Variants in RANBP2 observed in about 807,000 individuals in gnomAD.
The protein encoded by RANBP2 is E3 SUMO-protein ligase RanBP2.
In RANBP2, 57 loss-of-function variants were observed where a neutral mutation model predicts 303.6. That is an observed-to-expected ratio of 0.19 (90% confidence interval 0.15 to 0.23). RANBP2 has a LOEUF of 0.23. RANBP2 is among the 10% of genes least tolerant of loss of function. RANBP2 has a pLI of 1.00. For synonymous variants in RANBP2, 1,167 were observed against 1,301.5 expected, an observed-to-expected ratio of 0.90 and a Z score of 2.23; for missense variants, 3,138 against 3,780.8, an observed-to-expected ratio of 0.83 and a Z score of 4.46.
At chr2:109,374,873 A>G in the RANBP2 span, among the ~76,000 whole-genome samples, 1 of 152,122 alleles carries the variant, frequency 6.6e-6, no homozygotes, top group Non-Finnish European at 1.5e-5. Flanking sequence ...TCAGGCCATG[A>G]TGCTAAGCCC....
At chr2:109,067,164 C>G in the RANBP2 span, among the ~76,000 whole-genome samples, 1 of 151,918 alleles carries the variant, frequency 6.6e-6, no homozygotes, top group Non-Finnish European at 1.5e-5. Context: ...GCTTGTTCAG[C>G]GAAGGACGCA....
At chr2:108,937,717 ATG>A in the RANBP2 span, among the ~76,000 whole-genome samples, 5 of 151,130 alleles carry the variant, frequency 3.3e-5, no homozygotes, top group African/African-American at 7.3e-5. Flanking sequence ...ATGTGTGTGT[ATG>A]TGTGTGTGTA....
At chr2:109,136,369 T>C in the RANBP2 span, among the ~76,000 whole-genome samples, 1 of 152,142 alleles carries the variant, frequency 6.6e-6, no homozygotes, top group African/African-American at 2.4e-5. Flanking sequence ...GCATGCTTGA[T>C]GGGTATCCTA....
downstream of RANBP2, chr2:108,787,052 G>T (rs971874918): frequency 8.6e-6 from 4 of 463,664 alleles, no homozygotes; most frequent in African/African-American, 8.3e-5. Context: ...CTGCGGCTTG[G>T]GCCTCGTGGA....
the RANBP2 span, among the ~76,000 whole-genome samples, chr2:109,179,243 C>T: frequency 1.3e-5 from 2 of 152,058 alleles, no homozygotes; most frequent in African/African-American, 4.8e-5. Flanking sequence ...ACATGTGATC[C>T]TTTTTATCCT....
At chr2:109,678,023 C>T in the RANBP2 span, among the ~76,000 whole-genome samples, 8 of 152,142 alleles carry the variant, frequency 5.3e-5, no homozygotes, top group Non-Finnish European at 7.3e-5. Context: ...TGGTGGCTCC[C>T]GCAGCAGGGG....
the RANBP2 span, among the ~76,000 whole-genome samples, chr2:109,124,998 G>T: frequency 2.0e-5 from 3 of 152,206 alleles, no homozygotes; most frequent in Non-Finnish European, 2.9e-5. Context: ...TTGATTTAAC[G>T]AAAAAGAAAC....
chr2:109,219,605 G>A, the RANBP2 span, among the ~76,000 whole-genome samples: 2 of 152,260 alleles, frequency 1.3e-5, no homozygotes, highest in Admixed American at 1.3e-4. Flanking sequence ...CGGCAAAGTT[G>A]CAAAATATAA....
At chr2:108,840,607 G>A in the RANBP2 span, among the ~76,000 whole-genome samples, 62 of 152,244 alleles carry the variant, frequency 4.1e-4, 1 homozygote, top group South Asian at 0.013. Flanking sequence ...ATTTATGTGT[G>A]TAGAGTTTTT....
At chr2:109,538,213 C>G in the RANBP2 span, among the ~76,000 whole-genome samples, 1 of 152,188 alleles carries the variant, frequency 6.6e-6, no homozygotes, top group Non-Finnish European at 1.5e-5. Flanking sequence ...TCTGACCTGG[C>G]TTCAGCTGTC....
the RANBP2 span, among the ~76,000 whole-genome samples, chr2:109,275,432 C>G: frequency 2.0e-5 from 3 of 152,168 alleles, no homozygotes; most frequent in Non-Finnish European, 4.4e-5. Context: ...TTCAGTTGGA[C>G]CGACACCGGA....
the RANBP2 span, among the ~76,000 whole-genome samples, chr2:109,527,978 C>G: frequency 1.3e-5 from 2 of 152,300 alleles, no homozygotes; most frequent in Non-Finnish European, 2.9e-5. Context: ...ACCCCTGCAG[C>G]CAGGCGGGAG....
the RANBP2 span, among the ~76,000 whole-genome samples, chr2:109,036,985 C>T: frequency 4.0e-5 from 6 of 151,826 alleles, no homozygotes; most frequent in Non-Finnish European, 8.8e-5. Context: ...CTCTAACAAA[C>T]AATACAAAAA....
At chr2:109,545,340 AT>A in the RANBP2 span, 1 of 1,496,708 alleles carries the variant, frequency 6.7e-7, no homozygotes, top group East Asian at 2.5e-5. Flanking sequence ...AAAAGGAAAA[AT>A]AAACTTATTT....
the RANBP2 span, chr2:108,812,821 G>C: frequency 1.0e-3 from 1,682 of 1,612,764 alleles, 12 homozygotes; most frequent in African/African-American, 0.02. Context: ...CTGTTGCAGA[G>C]GAAGTACGAG....
At chr2:109,021,233 T>C in the RANBP2 span, among the ~76,000 whole-genome samples, 7 of 152,154 alleles carry the variant, frequency 4.6e-5, no homozygotes, top group African/African-American at 1.7e-4. Context: ...TGAAAAGTGC[T>C]GGCAAAGCCA....
At chr2:108,737,859 G>A (rs1416167478) in intron 6 of RANBP2, among the ~76,000 whole-genome samples, 16 of 145,306 alleles carry the variant, frequency 1.1e-4, no homozygotes, top group African/African-American at 3.3e-4. Flanking sequence ...GACTACAGGC[G>A]CCCACCACCA....
the RANBP2 span, among the ~76,000 whole-genome samples, chr2:109,109,657 C>T: frequency 6.6e-6 from 1 of 152,026 alleles, no homozygotes; most frequent in African/African-American, 2.4e-5. Context: ...ACTTATTATC[C>T]CATCATACTT....
the RANBP2 span, among the ~76,000 whole-genome samples, chr2:109,078,277 T>C: frequency 1.3e-5 from 1 of 75,964 alleles, no homozygotes; most frequent in Non-Finnish European, 2.6e-5. Flanking sequence ...CGTATATATA[T>C]ATATATATAT....
Sources: allele counts gnomAD v4.1 joint callset (sites outside exome capture counted in the v4.1 genomes callset), GRCh38; gene constraint gnomAD v4.1.1; transcripts MANE v1.5; gene names NCBI Gene and HGNC (gene_info 2026-07-23, HGNC 2026-07-21).